The following EVC variants were observed in gnomAD, a reference collection of about 807,000 sequenced individuals.
The protein encoded by EVC is evC complex member EVC.
A neutral mutation model predicts 118.9 loss-of-function variants in EVC; 116 were observed. The ratio of observed to expected loss-of-function variants is 0.98; its 90% CI spans 0.84 to 1.14. The LOEUF (loss-of-function observed/expected upper bound fraction) is 1.14. Ranked by LOEUF, EVC falls within the 50% of genes most tolerant of loss-of-function variation. The probability of loss-of-function intolerance (pLI) is 0.00; values close to 1 mark genes in which losing one functional copy is unlikely to be tolerated. For synonymous variants in EVC, 619 were observed against 534.7 expected, an observed-to-expected ratio of 1.16 and a Z score of -2.18; for missense variants, 1,401 against 1,246.4, an observed-to-expected ratio of 1.12 and a Z score of -1.87.
rs1724667711 is a variant in EVC at position 5,719,995 on chromosome 4, A to G, written c.300+622A>G. Among the ~76,000 whole-genome samples the G allele has an allele frequency of 1.3e-5, 2 of 151,952 alleles. No individual in the cohort carries two copies. The highest frequency in any genetic ancestry group is 1.9e-4 in the East Asian group (1 of 5,166). On this transcript the variant is annotated intron_variant, in intron 2 of 20. Transcript: ENST00000264956. This position sits in a 1 kb window ranked among gnomAD's most constrained non-coding sequence, Gnocchi z 4.7. ...ATTTCATTTTACTTCCTTTAATTAA[A>G]TCTCTGGGGGTGGGGGTGCTGGGCC...
At chr4:5,806,112 C>T (rs1254561178) in intron 17 of EVC, among the ~76,000 whole-genome samples, 1 of 150,934 alleles carries the variant, frequency 6.6e-6, no homozygotes, top group African/African-American at 2.4e-5. Flanking sequence ...CAGAGTCTTG[C>T]TCTGTTGCCC....
At position 5,797,006 on chromosome 4, in the gene EVC, C is replaced by A; in HGVS notation, c.1887-16C>A. 4 of 1,601,194 alleles carry A rather than the reference C, an allele frequency of 2.5e-6. No individual in the cohort carries two copies. The highest frequency in any genetic ancestry group is 3.4e-6 in the Non-Finnish European group (4 of 1,169,072). On this transcript the variant is annotated splice_polypyrimidine_tract_variant and intron_variant, in intron 13 of 20. Transcript: ENST00000264956. ...CCAAGAGCATTGACCCCACCCCTCA[C>A]CTGCTTTCCTCAAAGGTCCACGCGG...
rs574278562 is a variant in EVC, at chr4:5,749,869, A to G, written c.1098+1563A>G. On this transcript the variant is annotated intron_variant, in intron 8 of 20. Coordinates refer to ENST00000264956, the MANE Select transcript of EVC (RefSeq NM_153717.3). This position sits in a 1 kb window ranked among gnomAD's most constrained non-coding sequence, Gnocchi z 4.4. ...CCTTGCACACCACATGCCTCTCCCA[A>G]TCCGCTCTGCTCCTCCAGGTGTGAT... Among the ~76,000 whole-genome samples, 40 of 152,098 alleles carry G rather than the reference A, an allele frequency of 2.6e-4. No individual in the cohort carries two copies. Among genetic ancestry groups the G allele is most frequent in the African/African-American group, 8.7e-4 (36 of 41,500 alleles).
At chr4:5,820,225 T>C in the EVC span, among the ~76,000 whole-genome samples, 3 of 152,188 alleles carry the variant, frequency 2.0e-5, no homozygotes, top group Non-Finnish European at 2.9e-5. Flanking sequence ...CATGTATTTG[T>C]TGTCATTACC....
chr4:5,770,185 G>A (rs1276426021), intron 11 of EVC, among the ~76,000 whole-genome samples: 1 of 152,104 alleles, frequency 6.6e-6, no homozygotes, highest in African/African-American at 2.4e-5. Context: ...AGGGAAGCTT[G>A]CCCAGGCTTC....
the EVC span, chr4:5,824,663 A>G: frequency 1.1e-6 from 1 of 938,160 alleles, no homozygotes; most frequent in Non-Finnish European, 1.3e-6. Context: ...ATAACATCCT[A>G]GATGTTGACA....
intron 16 of EVC, among the ~76,000 whole-genome samples, chr4:5,803,029 A>G (rs1184925842): frequency 6.6e-6 from 1 of 152,234 alleles, no homozygotes; most frequent in African/African-American, 2.4e-5. Context: ...CCAGTGGTCC[A>G]GGGGGTGTTT....
chr4:5,752,207 T>C (rs1408215327), intron 8 of EVC, among the ~76,000 whole-genome samples: 1 of 151,956 alleles, frequency 6.6e-6, no homozygotes, highest in East Asian at 1.9e-4. Context: ...TCCCCCTTAC[T>C]CTCATTCCAC....
rs1731264145 is a variant in EVC, at chr4:5,756,887, A to G, written c.1563+525A>G. On this transcript the variant is annotated intron_variant, in intron 11 of 20. Coordinates refer to ENST00000264956, the MANE Select transcript of EVC (RefSeq NM_153717.3). This position sits in a 1 kb window ranked among gnomAD's most constrained non-coding sequence, Gnocchi z 4.2. ...CCTCTTTAGGGGCAGGAGTCACAGG[A>G]TGCCATGCTGAGCCAGACAGAGCCC... Among the ~76,000 whole-genome samples the G allele has an allele frequency of 1.3e-5, 2 of 152,122 alleles. No individual in the cohort carries two copies. The highest frequency in any genetic ancestry group is 4.2e-4 in the South Asian group (2 of 4,818).
At chr4:5,794,401 T>C (rs890778313) in intron 13 of EVC, among the ~76,000 whole-genome samples, 1 of 128,022 alleles carries the variant, frequency 7.8e-6, no homozygotes, top group Admixed American at 8.6e-5. Context: ...TTTATATATA[T>C]ATATATTTTT....
chr4:5,724,385 C>G (rs913824557), intron 2 of EVC, among the ~76,000 whole-genome samples: 1 of 152,228 alleles, frequency 6.6e-6, no homozygotes, highest in Non-Finnish European at 1.5e-5. Flanking sequence ...ATATAGGTTT[C>G]TGAACACGGT....
intron 11 of EVC, among the ~76,000 whole-genome samples, chr4:5,779,199 T>C (rs1301270092): frequency 6.6e-6 from 1 of 151,754 alleles, no homozygotes; most frequent in Non-Finnish European, 1.5e-5. Context: ...CATTGATCTA[T>C]ATCTCTGTTT....
In EVC at chr4:5,811,551, G is replaced by C; in HGVS notation, c.*514G>C. On this transcript the variant is annotated 3_prime_UTR_variant, in exon 21 of 21. Coordinates refer to ENST00000264956, the MANE Select transcript of EVC (RefSeq NM_153717.3). ...TCCGGACAGTAGACACCCTGCCCGTGCAGAGAGATGTCATGGGGGCACCTG... is the reference window on the plus strand; with the variant it reads ...TCCGGACAGTAGACACCCTGCCCGTCCAGAGAGATGTCATGGGGGCACCTG... The C allele has an allele frequency of 5.4e-6, 1 of 186,654 alleles. No homozygotes were observed. The highest frequency in any genetic ancestry group is 1.1e-5 in the Non-Finnish European group (1 of 89,294). 11.6% of individuals were successfully genotyped at this position (186,654 alleles called of 1,614,324 possible).
intron 8 of EVC, among the ~76,000 whole-genome samples, chr4:5,748,692 C>T (rs1345418024): frequency 8.4e-6 from 1 of 119,466 alleles, no homozygotes; most frequent in African/African-American, 3.4e-5. Flanking sequence ...ACCCACCCAT[C>T]CATCCACCCG....
intron 1 of EVC, among the ~76,000 whole-genome samples, chr4:5,716,010 G>A (rs2151815948): frequency 6.6e-6 from 1 of 152,302 alleles, no homozygotes; most frequent in East Asian, 1.9e-4. Flanking sequence ...CCAGAGTGCT[G>A]GGATTACAGG....
intron 6 of EVC, among the ~76,000 whole-genome samples, chr4:5,744,266 G>A (rs1353414755): frequency 6.6e-6 from 1 of 152,122 alleles, no homozygotes; most frequent in African/African-American, 2.4e-5. Context: ...CTGGAAATGG[G>A]TCATAATTTC....
chr4:5,761,572 C>G (rs1216442276), intron 11 of EVC, among the ~76,000 whole-genome samples: 1 of 151,792 alleles, frequency 6.6e-6, no homozygotes. Context: ...TCGTTAGTGC[C>G]TAGTAAATCT....
chr4:5,761,172 G>C (rs902470534), intron 11 of EVC, among the ~76,000 whole-genome samples: 1 of 152,178 alleles, frequency 6.6e-6, no homozygotes. Flanking sequence ...TTACTTTAAA[G>C]GCTGGGTGTG....
chr4:5,754,208 A>G lies in EVC; in HGVS notation c.1464+275A>G, dbSNP rs147555527. Among the ~76,000 whole-genome samples, 104 of 152,290 alleles carry G rather than the reference A, an allele frequency of 6.8e-4. No individual in the cohort carries two copies. The highest frequency in any genetic ancestry group is 2.1e-3 in the African/African-American group (88 of 41,568). ...AGAGAGCTTGGCAGAGTGCAGACGC[A>G]TGGCAGGAGCACACAGATGGTGGCA... is the stretch of plus-strand genomic sequence containing the variant. On this transcript the variant is annotated intron_variant, in intron 10 of 20. Coordinates refer to ENST00000264956, the MANE Select transcript of EVC (RefSeq NM_153717.3). This position sits in a 1 kb window ranked among gnomAD's most constrained non-coding sequence, Gnocchi z 5.8.
Sources: gnomAD v4.1 joint callset for allele counts (sites outside exome capture counted in the v4.1 genomes callset) on GRCh38, gnomAD v4.1.1 for gene constraint, Gnocchi (gnomAD v3.1) non-coding constraint, MANE v1.5 for transcripts, NCBI Gene and HGNC (gene_info 2026-07-23, HGNC 2026-07-21) for gene names.